The following LITAF variants were observed in gnomAD, a reference collection of about 807,000 sequenced individuals.
The protein encoded by LITAF is lipopolysaccharide induced TNF factor, also known as lipopolysaccharide-induced tumor necrosis factor-alpha factor.
Under a neutral mutation model 14.5 loss-of-function variants are expected in LITAF, and 9 were observed. The ratio of observed to expected loss-of-function variants is 0.62; its 90% CI spans 0.37 to 1.08. The LOEUF (loss-of-function observed/expected upper bound fraction) is 1.08. LITAF is among the 50% of genes least tolerant of loss of function. LITAF has a pLI of 0.01. For synonymous variants in LITAF, 98 were observed against 88.2 expected, an observed-to-expected ratio of 1.11 and a Z score of -0.62; for missense variants, 206 against 213.4, an observed-to-expected ratio of 0.97 and a Z score of 0.22.
intron 2 of LITAF, among the ~76,000 whole-genome samples, chr16:11,633,814 C>T (rs557526917): frequency 9.9e-5 from 15 of 152,272 alleles, no homozygotes; most frequent in African/African-American, 2.9e-4. Context: ...TACGGACTTG[C>T]CCTGAATTCT....
At position 11,553,732 on chromosome 16, in the gene LITAF, A is replaced by C. The variant is rs2064221471; in HGVS notation, c.221-43T>G. 6.2e-7 allele frequency: 1 copy of C among 1,609,938 alleles called. No homozygotes were observed. The highest frequency in any genetic ancestry group is 1.3e-5 in the African/African-American group (1 of 74,866). ...GACAAACACAGGTTGCTCAGGAAAC[A>C]AGGCCAATAGCATTCACTACAGGAC... On this transcript the variant is annotated intron_variant, in intron 2 of 3. Transcript: ENST00000622633. This position sits in a 1 kb window ranked among gnomAD's most constrained non-coding sequence, Gnocchi z 7.7.
At chr16:11,610,624 C>A (rs1174378383) in intron 3 of LITAF, among the ~76,000 whole-genome samples, 1 of 152,108 alleles carries the variant, frequency 6.6e-6, no homozygotes, top group Non-Finnish European at 1.5e-5. Flanking sequence ...TGGAGCCCAA[C>A]TTGAGCAGTA....
At chr16:11,578,642 T>C (rs1449047562) in intron 1 of LITAF, among the ~76,000 whole-genome samples, 1 of 152,246 alleles carries the variant, frequency 6.6e-6, no homozygotes, top group Non-Finnish European at 1.5e-5. Flanking sequence ...TCTCCCTTGA[T>C]ATTAACATCT....
intron 1 of LITAF, among the ~76,000 whole-genome samples, chr16:11,563,588 A>G (rs1389093476): frequency 6.6e-6 from 1 of 152,070 alleles, no homozygotes; most frequent in African/African-American, 2.4e-5. Flanking sequence ...CTTTTATGCC[A>G]CATACTTGAT....
intron 1 of LITAF, among the ~76,000 whole-genome samples, chr16:11,572,921 C>T (rs993069500): frequency 8.7e-5 from 12 of 138,298 alleles, no homozygotes; most frequent in Non-Finnish European, 1.5e-5. Flanking sequence ...ATTTTCTGCA[C>T]ATCTCAAGCT....
intron 3 of LITAF, among the ~76,000 whole-genome samples, chr16:11,619,862 A>G (rs1318488607): frequency 2.0e-5 from 3 of 152,196 alleles, no homozygotes; most frequent in African/African-American, 7.2e-5. Flanking sequence ...CCCAGACCAC[A>G]TCTCACGTTG....
At chr16:11,637,241 T>A (rs2065141665), upstream of LITAF, among the ~76,000 whole-genome samples, 1 of 152,020 alleles carries the variant, frequency 6.6e-6, no homozygotes, top group South Asian at 2.1e-4. Flanking sequence ...CACAGAGAAG[T>A]GGAGAAGGGG....
At chr16:11,587,665 C>G, upstream of LITAF, 1 of 228,072 alleles carries the variant, frequency 4.4e-6, no homozygotes. Context: ...TCACTGAAAG[C>G]AAGCTCTGGA....
At chr16:11,624,343 C>T (rs567290530) in intron 3 of LITAF, among the ~76,000 whole-genome samples, 40 of 152,204 alleles carry the variant, frequency 2.6e-4, no homozygotes, top group Admixed American at 3.9e-4. Context: ...CTCACTGGTC[C>T]GGTGTGGGTC....
At chr16:11,576,615 T>C (rs1346818439) in intron 1 of LITAF, among the ~76,000 whole-genome samples, 1 of 148,080 alleles carries the variant, frequency 6.8e-6, no homozygotes, top group African/African-American at 2.5e-5. Context: ...ACATCTGTGG[T>C]TCTACACGGT....
At chr16:11,612,755 G>C (rs1216008868) in intron 3 of LITAF, among the ~76,000 whole-genome samples, 1 of 152,182 alleles carries the variant, frequency 6.6e-6, no homozygotes, top group Non-Finnish European at 1.5e-5. Context: ...GGAGGGACGA[G>C]GACAGACTGA....
intron 1 of LITAF, among the ~76,000 whole-genome samples, chr16:11,570,918 G>T (rs964926752): frequency 6.6e-6 from 1 of 151,802 alleles, no homozygotes; most frequent in East Asian, 1.9e-4. Context: ...ACCTCTGTTG[G>T]GTTTAAATGT....
chr16:11,569,326 C>T (rs1333168234), intron 1 of LITAF, among the ~76,000 whole-genome samples: 1 of 152,098 alleles, frequency 6.6e-6, no homozygotes, highest in Non-Finnish European at 1.5e-5. Context: ...CCACAGGCTC[C>T]AACTCCTGGG....
intron 3 of LITAF, among the ~76,000 whole-genome samples, chr16:11,552,649 G>A (rs1044498371): frequency 3.9e-5 from 6 of 152,140 alleles, no homozygotes; most frequent in Non-Finnish European, 7.3e-5. Context: ...AGAAAAGACG[G>A]AAGACCAATT....
At chr16:11,557,600 C>G (rs978886505) in intron 1 of LITAF, among the ~76,000 whole-genome samples, 1 of 151,852 alleles carries the variant, frequency 6.6e-6, no homozygotes, top group South Asian at 2.1e-4. Flanking sequence ...CAGGCATGTG[C>G]CCCCCCGCCC....
intron 3 of LITAF, among the ~76,000 whole-genome samples, chr16:11,623,427 C>T (rs898675552): frequency 1.3e-4 from 20 of 151,548 alleles, no homozygotes; most frequent in East Asian, 4.0e-4. Context: ...TTTGGGAGGC[C>T]GAGGCGGACA....
At chr16:11,617,860 A>G (rs2141888671) in intron 3 of LITAF, among the ~76,000 whole-genome samples, 1 of 152,062 alleles carries the variant, frequency 6.6e-6, no homozygotes, top group South Asian at 2.1e-4. Flanking sequence ...TTATTTATTC[A>G]TTCATTCATT....
intron 1 of LITAF, among the ~76,000 whole-genome samples, chr16:11,569,304 C>A (rs1007273957): frequency 1.3e-5 from 2 of 152,096 alleles, no homozygotes; most frequent in Non-Finnish European, 2.9e-5. Context: ...ACAGTGGCAC[C>A]TGCATAGCTC....
At chr16:11,584,263 T>C (rs1375049558) in intron 1 of LITAF, 1 of 151,778 alleles carries the variant, frequency 6.6e-6, no homozygotes, top group Non-Finnish European at 1.5e-5. Flanking sequence ...CAAGTCACAG[T>C]GCCAAGAATA....
Sources: gnomAD v4.1 joint callset for allele counts (sites outside exome capture counted in the v4.1 genomes callset) on GRCh38, gnomAD v4.1.1 for gene constraint, Gnocchi (gnomAD v3.1) non-coding constraint, MANE v1.5 for transcripts, NCBI Gene and HGNC (gene_info 2026-07-23, HGNC 2026-07-21) for gene names.